CNTNAP2: variants seen among roughly 807,000 people sequenced by gnomAD.
CNTNAP2 encodes contactin associated protein 2.
In CNTNAP2, 98 loss-of-function variants were observed where a neutral mutation model predicts 155.2. That is an observed-to-expected ratio of 0.63 (90% CI 0.54 to 0.75). The LOEUF is 0.75. Among genes scored for constraint, CNTNAP2 ranks in the 30% least tolerant of loss-of-function variants. CNTNAP2 has a pLI of 0.00. For missense variants in CNTNAP2, 1,727 were observed against 1,688.1 expected (o/e 1.02, Z -0.40); for synonymous variants, 651 against 631.2 (o/e 1.03, Z -0.47).
At chr7:146,943,197 C>A (rs1318649865) in intron 3 of CNTNAP2, among the ~76,000 whole-genome samples, 1 of 152,088 alleles carries the variant, frequency 6.6e-6, no homozygotes, top group Non-Finnish European at 1.5e-5. Context: ...ATACTGTATT[C>A]TTACTTTAAA....
intron 8 of CNTNAP2, among the ~76,000 whole-genome samples, chr7:147,196,934 A>G (rs1336835681): frequency 6.6e-6 from 1 of 152,166 alleles, no homozygotes; most frequent in Non-Finnish European, 1.5e-5. Flanking sequence ...TTGAGGCAGG[A>G]GAATAGGGTC....
At chr7:148,051,954 A>C (rs867027511) in intron 15 of CNTNAP2, among the ~76,000 whole-genome samples, 1 of 152,162 alleles carries the variant, frequency 6.6e-6, no homozygotes, top group East Asian at 1.9e-4. Context: ...CCTGGCTAAC[A>C]CGGTGAAACC....
chr7:146,589,564 A>C (rs971318114), intron 1 of CNTNAP2, among the ~76,000 whole-genome samples: 3 of 151,844 alleles, frequency 2.0e-5, no homozygotes, highest in Non-Finnish European at 2.9e-5. Flanking sequence ...ACACATGGAC[A>C]CAGGGAGGGG....
At chr7:147,355,379 G>A (rs958767180) in intron 9 of CNTNAP2, among the ~76,000 whole-genome samples, 3 of 151,916 alleles carry the variant, frequency 2.0e-5, no homozygotes, top group Non-Finnish European at 2.9e-5. Context: ...ACAATTTAAG[G>A]AACTAGAGAA....
intron 1 of CNTNAP2, among the ~76,000 whole-genome samples, chr7:146,394,201 A>G (rs1795587152): frequency 6.6e-6 from 1 of 152,160 alleles, no homozygotes; most frequent in Non-Finnish European, 1.5e-5. Context: ...TTGCATCTGG[A>G]TTACCTGACT....
chr7:146,507,747 A>G (rs777572852), intron 1 of CNTNAP2, among the ~76,000 whole-genome samples: 9 of 152,192 alleles, frequency 5.9e-5, no homozygotes, highest in South Asian at 2.1e-4. Flanking sequence ...GGGTGCCGCT[A>G]TTTCTAAATC....
At chr7:148,049,551 A>G (rs1034241429) in intron 15 of CNTNAP2, among the ~76,000 whole-genome samples, 2 of 152,184 alleles carry the variant, frequency 1.3e-5, no homozygotes, top group African/African-American at 4.8e-5. Flanking sequence ...ACACCACACA[A>G]TGTCGTTTAG....
rs114905564 is a variant in CNTNAP2, at chr7:147,545,147, C to T, written c.1778-16991C>T. ...ACTGAATTTATTATTACTGGATTTA[C>T]TTTTTCTTAAATTTTTAAGATAAAA... On this transcript the variant is annotated intron_variant, in intron 11 of 23. Transcript: ENST00000361727. Among the ~76,000 whole-genome samples the T allele has an allele frequency of 7.3e-3, 1,108 of 152,176 alleles. 15 individuals carry two copies. Among genetic ancestry groups the T allele is most frequent in the African/African-American group, 0.025 (1,043 of 41,508 alleles).
chr7:148,152,301 G>A (rs1805311155), intron 17 of CNTNAP2, among the ~76,000 whole-genome samples: 2 of 152,118 alleles, frequency 1.3e-5, no homozygotes, highest in South Asian at 4.2e-4. Context: ...GGGGGCTAGG[G>A]AATGGGTGTT....
At chr7:148,000,572 G>T (rs1357337640) in intron 15 of CNTNAP2, among the ~76,000 whole-genome samples, 2 of 152,100 alleles carry the variant, frequency 1.3e-5, no homozygotes, top group Non-Finnish European at 2.9e-5. Context: ...GACAGAGCTG[G>T]AATCTAACCC....
intron 10 of CNTNAP2, among the ~76,000 whole-genome samples, chr7:147,442,869 G>A: frequency 6.6e-6 from 1 of 152,094 alleles, no homozygotes; most frequent in Non-Finnish European, 1.5e-5. Context: ...TAGAAGAGCT[G>A]CTATCCAAGA....
chr7:146,273,586 G>A (rs1399353231), intron 1 of CNTNAP2, among the ~76,000 whole-genome samples: 1 of 152,176 alleles, frequency 6.6e-6, no homozygotes, highest in Non-Finnish European at 1.5e-5. Flanking sequence ...CTTCTGGTCT[G>A]AAATAAAATC....
At chr7:147,716,989 G>A (rs1354956043) in intron 13 of CNTNAP2, among the ~76,000 whole-genome samples, 2 of 152,062 alleles carry the variant, frequency 1.3e-5, no homozygotes, top group African/African-American at 4.8e-5. Flanking sequence ...TAGATTGGGA[G>A]CTACATGCTT....
At chr7:147,529,874 G>T (rs1799400342) in intron 11 of CNTNAP2, among the ~76,000 whole-genome samples, 2 of 152,064 alleles carry the variant, frequency 1.3e-5, no homozygotes, top group Admixed American at 1.3e-4. Context: ...TATTCCAAAG[G>T]CCAGGAAATC....
intron 22 of CNTNAP2, among the ~76,000 whole-genome samples, chr7:148,404,716 A>G (rs1428753516): frequency 6.6e-6 from 1 of 152,106 alleles, no homozygotes; most frequent in Non-Finnish European, 1.5e-5. Context: ...CCCTCTTGGT[A>G]CCCAGGTCCT....
At chr7:148,349,422 G>A (rs374414241) in intron 21 of CNTNAP2, among the ~76,000 whole-genome samples, 3 of 4,292 alleles carry the variant, frequency 7.0e-4, no homozygotes, top group East Asian at 4.9e-3. Flanking sequence ...TTTTTTTTGA[G>A]ACAGAGTCTC....
chr7:147,811,861 T>G (rs939351746), intron 13 of CNTNAP2, among the ~76,000 whole-genome samples: 1 of 152,172 alleles, frequency 6.6e-6, no homozygotes, highest in African/African-American at 2.4e-5. Flanking sequence ...ATATTCTCCA[T>G]GAGCAAATAA....
chr7:147,388,782 A>G (rs1337696580), intron 9 of CNTNAP2, among the ~76,000 whole-genome samples: 1 of 152,066 alleles, frequency 6.6e-6, no homozygotes, highest in African/African-American at 2.4e-5. Flanking sequence ...GAGTTTCACC[A>G]TGTTGGCGAA....
At position 148,365,871 on chromosome 7, in the gene CNTNAP2, T is replaced by C. The variant is rs534606993; in HGVS notation, c.3476-17778T>C. Among the ~76,000 whole-genome samples the C allele has an allele frequency of 2.6e-5, 3 of 113,696 alleles. 1 individual carries two copies. Among genetic ancestry groups the C allele is most frequent in the African/African-American group, 3.8e-5 (1 of 26,056 alleles). 74.6% of individuals were successfully genotyped at this position (113,696 alleles called of 152,430 possible). A position where few individuals can be genotyped will look rare whatever the true frequency, so the allele number is the denominator to read the frequency against. ...GTGTATGCATGTATACATGTATGTG[T>C]ATGCATGTATACATGTATGTGTATG... On this transcript the variant is annotated intron_variant, in intron 21 of 23. Coordinates refer to ENST00000361727, the MANE Select transcript of CNTNAP2 (RefSeq NM_014141.6).
Sources: gnomAD v4.1 joint callset for allele counts (sites outside exome capture counted in the v4.1 genomes callset) on GRCh38, gnomAD v4.1.1 for gene constraint, MANE v1.5 for transcripts, NCBI Gene and HGNC (gene_info 2026-07-23, HGNC 2026-07-21) for gene names.